CCSER1: variants seen among roughly 807,000 people sequenced by gnomAD.
The protein encoded by CCSER1 is serine-rich coiled-coil domain-containing protein 1.
CCSER1 carries 41 observed loss-of-function variants against 82.0 expected under a neutral mutation model. That is an observed-to-expected ratio of 0.50 (90% CI 0.39 to 0.65). The LOEUF (loss-of-function observed/expected upper bound fraction) is 0.65, where lower values mean the gene tolerates loss of function less well. Ranked by LOEUF, CCSER1 falls within the 30% of genes least tolerant of loss-of-function variation. CCSER1 has a pLI of 0.00. For missense variants in CCSER1, 1,119 were observed against 1,064.2 expected (o/e 1.05, Z -0.72); for synonymous variants, 414 against 383.9 (o/e 1.08, Z -0.92).
intron 3 of CCSER1, among the ~76,000 whole-genome samples, chr4:90,393,926 C>T (rs940076764): frequency 6.6e-6 from 1 of 151,150 alleles, no homozygotes; most frequent in African/African-American, 2.4e-5. Context: ...TGTAGGCATG[C>T]ACCACCATAC....
chr4:90,187,929 A>G (rs1441510321), intron 1 of CCSER1, among the ~76,000 whole-genome samples: 1 of 151,978 alleles, frequency 6.6e-6, no homozygotes, highest in Non-Finnish European at 1.5e-5. Context: ...CAACAAAAAA[A>G]CAGTCAGAAA....
chr4:90,662,143 C>T (rs375476660), intron 6 of CCSER1, among the ~76,000 whole-genome samples: 6 of 151,954 alleles, frequency 3.9e-5, no homozygotes, highest in Middle Eastern at 3.4e-3. Flanking sequence ...GGACTACAGG[C>T]GCTCGCCACC....
chr4:90,566,032 ATTT>A (rs375375662), intron 5 of CCSER1, among the ~76,000 whole-genome samples: 5 of 122,500 alleles, frequency 4.1e-5, no homozygotes, highest in Admixed American at 1.6e-4. Flanking sequence ...TAATTTTTGT[ATTT>A]TTTTTTTTTT....
chr4:90,884,424 A>C (rs2150085969), intron 8 of CCSER1, among the ~76,000 whole-genome samples: 1 of 152,262 alleles, frequency 6.6e-6, no homozygotes, highest in Admixed American at 6.5e-5. Context: ...ATATATAATC[A>C]ATTTATATAC....
At chr4:90,192,219 A>T (rs946598062) in intron 1 of CCSER1, among the ~76,000 whole-genome samples, 2 of 151,752 alleles carry the variant, frequency 1.3e-5, no homozygotes, top group Admixed American at 1.3e-4. Context: ...TGTGCAGGAA[A>T]ACTCCCCCTT....
chr4:90,513,718 T>C (rs965891747), intron 5 of CCSER1, among the ~76,000 whole-genome samples: 2 of 152,092 alleles, frequency 1.3e-5, no homozygotes, highest in Admixed American at 1.3e-4. Flanking sequence ...AGTTCATAAT[T>C]CTAGGAGACT....
At chr4:91,404,533 G>C (rs1015682278) in intron 10 of CCSER1, among the ~76,000 whole-genome samples, 5 of 152,156 alleles carry the variant, frequency 3.3e-5, no homozygotes, top group South Asian at 2.1e-4. Flanking sequence ...TGGGCATTAA[G>C]TGCTATAAAT....
At chr4:90,184,379 G>A (rs1027831437) in intron 1 of CCSER1, among the ~76,000 whole-genome samples, 8 of 152,024 alleles carry the variant, frequency 5.3e-5, no homozygotes, top group African/African-American at 9.7e-5. Flanking sequence ...CAAAATGTTC[G>A]GTGGGGATGG....
At chr4:90,262,994 T>C (rs1244359331) in intron 1 of CCSER1, among the ~76,000 whole-genome samples, 3 of 152,156 alleles carry the variant, frequency 2.0e-5, no homozygotes, top group African/African-American at 7.2e-5. Flanking sequence ...GTCTCAGTTG[T>C]GTCTGCAGTT....
chr4:90,779,288 C>T (rs1385016837), intron 7 of CCSER1, among the ~76,000 whole-genome samples: 3 of 152,014 alleles, frequency 2.0e-5, no homozygotes, highest in African/African-American at 7.2e-5. Flanking sequence ...TTTTCTTCCT[C>T]TTTTTCTGTG....
At chr4:90,240,183 C>G (rs1001627360) in intron 1 of CCSER1, among the ~76,000 whole-genome samples, 1 of 152,108 alleles carries the variant, frequency 6.6e-6, no homozygotes, top group Non-Finnish European at 1.5e-5. Context: ...GCATGGATAA[C>G]CAAACCAGTG....
At chr4:90,861,926 A>ATATATT (rs1486179354) in intron 8 of CCSER1, among the ~76,000 whole-genome samples, 132 of 125,658 alleles carry the variant, frequency 1.1e-3, no homozygotes, top group South Asian at 6.5e-3. Flanking sequence ...ATATATATAT[A>ATATATT]TTTTTTTTTT....
chr4:90,178,053 A>G (rs1287920532), intron 1 of CCSER1, among the ~76,000 whole-genome samples: 1 of 152,100 alleles, frequency 6.6e-6, no homozygotes, highest in Non-Finnish European at 1.5e-5. Flanking sequence ...GGTCTCAAGC[A>G]TTTTGGATAA....
At chr4:90,348,153 A>T (rs1742747243) in intron 3 of CCSER1, among the ~76,000 whole-genome samples, 1 of 152,266 alleles carries the variant, frequency 6.6e-6, no homozygotes, top group Middle Eastern at 3.4e-3. Flanking sequence ...ATCAGGAAAA[A>T]TAACAAATGG....
chr4:90,932,014 C>T (rs183095817), intron 9 of CCSER1, among the ~76,000 whole-genome samples: 1,683 of 152,160 alleles, frequency 0.011, 41 homozygotes, highest in African/African-American at 0.038. Context: ...GGCTTAATAA[C>T]AAGCCAACAA....
intron 10 of CCSER1, among the ~76,000 whole-genome samples, chr4:91,333,757 T>C (rs1166333907): frequency 1.3e-5 from 2 of 152,046 alleles, no homozygotes; most frequent in Non-Finnish European, 2.9e-5. Flanking sequence ...TTATAGTTTT[T>C]AAAAAACTGA....
chr4:91,005,682 G>T (rs186428498), intron 9 of CCSER1, among the ~76,000 whole-genome samples: 1 of 152,286 alleles, frequency 6.6e-6, no homozygotes, highest in East Asian at 1.9e-4. Context: ...TATAGCCATT[G>T]CTTGGATGAA....
chr4:91,429,463 A>C (rs918613809), intron 10 of CCSER1, among the ~76,000 whole-genome samples: 4 of 152,000 alleles, frequency 2.6e-5, no homozygotes, highest in Non-Finnish European at 5.9e-5. Flanking sequence ...TTAAGAACCC[A>C]TTACGTGCCC....
intron 10 of CCSER1, among the ~76,000 whole-genome samples, chr4:91,312,285 A>G (rs1424339871): frequency 6.6e-6 from 1 of 151,788 alleles, no homozygotes; most frequent in Non-Finnish European, 1.5e-5. Flanking sequence ...TTTATTCAGC[A>G]GGACTTATAG....
Sources: gnomAD v4.1 joint callset for allele counts (sites outside exome capture counted in the v4.1 genomes callset) on GRCh38, gnomAD v4.1.1 for gene constraint, MANE v1.5 for transcripts, NCBI Gene and HGNC (gene_info 2026-07-23, HGNC 2026-07-21) for gene names.